The following TFPT variants were observed in gnomAD, a reference collection of about 807,000 sequenced individuals.
The protein encoded by TFPT is INO80 complex subunit F.
Under a neutral mutation model 28.8 loss-of-function variants are expected in TFPT, and 27 were observed. That is an observed-to-expected ratio of 0.94 (90% CI 0.69 to 1.29). TFPT has a LOEUF of 1.29. Among genes scored for constraint, TFPT ranks in the 50% most tolerant of loss-of-function variants. The pLI is 0.00. For synonymous variants in TFPT, 152 were observed against 142.8 expected (o/e 1.06, Z -0.46); for missense variants, 330 against 338.0 (o/e 0.98, Z 0.19).
Position 54,108,100 on chromosome 19 carries a change from G to A in TFPT, c.568C>T (p.Arg190Trp), listed in dbSNP as rs765229548. ...SPAPGEGPSG[R>W]KRRRVPRDGR... is the part of the protein sequence containing the mutation. The stretch of plus-strand genomic sequence containing the variant: ...TCCCGTGGCACTCGCCGCCTCTTCC[G>A]CCCACTGGGCCCCTCACCGGGGGCT... Residue 190 changes from arginine to tryptophan, a missense_variant, in exon 5 of 6, where the codon CGG (arginine) becomes TGG (tryptophan). Transcript: ENST00000391759. 35 of 1,569,588 alleles carry A rather than the reference G, an allele frequency of 2.2e-5. 1 individual carries two copies. The highest frequency in any genetic ancestry group is 7.1e-5 in the South Asian group (6 of 84,856).
intron 2 of TFPT, among the ~76,000 whole-genome samples, chr19:54,110,611 T>C (rs759158546): frequency 4.6e-5 from 7 of 151,796 alleles, no homozygotes; most frequent in Non-Finnish European, 8.8e-5. Context: ...GCCTGCAGGA[T>C]AGTCGCACGA....
Position 54,107,083 on chromosome 19 carries a change from G to A in TFPT, c.729C>T (p.Pro243=), listed in dbSNP as rs1474792835. 1 of 1,613,800 alleles carries A rather than the reference G, an allele frequency of 6.2e-7. No individual in the cohort carries two copies. The highest frequency in any genetic ancestry group is 1.3e-5 in the African/African-American group (1 of 74,852). Residue 243 remains proline, a synonymous_variant, in exon 6 of 6, where the codon CCC becomes CCT. Coordinates refer to ENST00000391759, the MANE Select transcript of TFPT (RefSeq NM_013342.4). ...WVSRGPDKLL[P]YPTLASPASD is the part of the protein sequence containing the mutation. ...AGGCTGGGCTGGCCAGGGTCGGGTA[G>A]GGCAGCAGTTTGTCTGGACCCCGAG...
At position 54,114,516 on chromosome 19, in the gene TFPT, G is replaced by T; in HGVS notation, c.208C>A (p.Arg70=). 1 of 1,613,914 alleles carries T rather than the reference G, an allele frequency of 6.2e-7. No homozygotes were observed. The highest frequency in any genetic ancestry group is 1.3e-5 in the African/African-American group (1 of 75,012). The part of the protein sequence containing the change: ...RDEEEEAARG[R]RRRQRELNRR... ...TTTAATTCCCGCTGGCGCCGCCGCCGACCCCGGGCTGCCTCTTCCTCTTCA... is the reference window on the plus strand; with the variant it reads ...TTTAATTCCCGCTGGCGCCGCCGCCTACCCCGGGCTGCCTCTTCCTCTTCA... Residue 70 remains arginine, a synonymous_variant, in exon 2 of 6, where the codon CGG becomes AGG. Coordinates refer to ENST00000391759, the MANE Select transcript of TFPT (RefSeq NM_013342.4).
At chr19:54,110,492 C>G (rs587611379) in intron 2 of TFPT, among the ~76,000 whole-genome samples, 1 of 152,096 alleles carries the variant, frequency 6.6e-6, no homozygotes, top group South Asian at 2.1e-4. Flanking sequence ...TTTGGGAGGC[C>G]GAGGCGAGTA....
At chr19:54,108,815 CT>C in intron 3 of TFPT, 1 of 516,474 alleles carries the variant, frequency 1.9e-6, no homozygotes, top group Non-Finnish European at 3.4e-6. Context: ...ACCCCCTTCT[CT>C]TTTTTCCCCA....
intron 1 of TFPT, 183 bp downstream of exon 1, chr19:54,115,064 T>G: frequency 1.1e-6 from 1 of 931,106 alleles, no homozygotes; most frequent in Non-Finnish European, 1.6e-6. Flanking sequence ...GATCCAGCAG[T>G]CCAAACCCCT....
chr19:54,110,335 A>G (rs749575797), intron 2 of TFPT, among the ~76,000 whole-genome samples: 2 of 151,772 alleles, frequency 1.3e-5, no homozygotes, highest in Non-Finnish European at 2.9e-5. Flanking sequence ...CTGTTCCTCT[A>G]CCTGGACCCT....
At position 54,108,171 on chromosome 19, in the gene TFPT, A is replaced by G. The variant is rs767698135; in HGVS notation, c.497T>C (p.Leu166Pro). 21 of 1,593,836 alleles carry G rather than the reference A, an allele frequency of 1.3e-5. No homozygotes were observed. In the African/African-American group the frequency reaches 2.4e-4, roughly 18 times the overall value. Reference sequence around the variant, plus strand: ...TGCAGGAGTCCTTCTGGGCGGGGACAGTGTCTCTTTCTCTGGAGGCTCATT... The same window carrying G: ...TGCAGGAGTCCTTCTGGGCGGGGACGGTGTCTCTTTCTCTGGAGGCTCATT... ...AENEPPEKET[L>P]SPPRRTPAPP... The change falls in exon 5 of 6, where the codon CTG becomes CCG. Residue 166 changes from leucine (L) to proline (P), a missense_variant. Transcript: ENST00000391759.
chr19:54,113,647 C>T (rs1196029000), intron 2 of TFPT, among the ~76,000 whole-genome samples: 3 of 152,138 alleles, frequency 2.0e-5, no homozygotes, highest in East Asian at 1.9e-4. Flanking sequence ...CCTGGTGTTC[C>T]TGGCCTGCCA....
chr19:54,114,245 C>G (rs1420119089), intron 2 of TFPT, among the ~76,000 whole-genome samples, 197 bp downstream of exon 2: 2 of 152,228 alleles, frequency 1.3e-5, no homozygotes, highest in African/African-American at 4.8e-5. Flanking sequence ...GTCAGGGAAG[C>G]TCCACGGGAG....
chr19:54,107,142 C>T lies in TFPT; in HGVS notation c.670G>A (p.Glu224Lys). Reference sequence around the variant, plus strand: ...CTGGAATCCAGGGCCTCATCTGCTTCAAAGCCAAAGTCTTCCTCAACCTTA... The same window carrying T: ...CTGGAATCCAGGGCCTCATCTGCTTTAAAGCCAAAGTCTTCCTCAACCTTA... ...QIKVEEDFGF[E>K]ADEALDSSWV... The change falls in exon 6 of 6, where the codon GAA becomes AAA. Residue 224 changes from glutamate (E) to lysine (K), a missense_variant. By Grantham distance (56) the Glu-to-Lys change is moderately conservative. Coordinates refer to ENST00000391759, the MANE Select transcript of TFPT (RefSeq NM_013342.4). 1 of 1,613,962 alleles carries T rather than the reference C, an allele frequency of 6.2e-7. No homozygotes were observed. The highest frequency in any genetic ancestry group is 8.5e-7 in the Non-Finnish European group (1 of 1,179,976).
chr19:54,109,926 C>G, intron 3 of TFPT, 125 bp downstream of exon 3: 1 of 999,156 alleles, frequency 1.0e-6, no homozygotes, highest in South Asian at 1.4e-5. Context: ...GCCCCCGGCC[C>G]TCATCTCCGG....
chr19:54,115,445 C>G lies in TFPT; in HGVS notation c.-176G>C. 2 of 767,434 alleles carry G rather than the reference C, an allele frequency of 2.6e-6. No individual in the cohort carries two copies. The highest frequency in any genetic ancestry group is 2.1e-6 in the Non-Finnish European group (1 of 471,244). The allele number at this position is 767,434 out of a possible 1,614,324, so 47.5% of individuals were successfully genotyped here. A position where few individuals can be genotyped will look rare whatever the true frequency, so the allele number is the denominator to read the frequency against. ...TTTCCGGCTTCGCTTCGGCCCACCC[C>G]CACGTCCACCCCGAATCCCTGCTTA... On this transcript the variant is annotated 5_prime_UTR_variant, in exon 1 of 6. Transcript: ENST00000391759.
At chr19:54,111,299 T>C (rs1252686702) in intron 2 of TFPT, among the ~76,000 whole-genome samples, 1 of 151,926 alleles carries the variant, frequency 6.6e-6, no homozygotes, top group Non-Finnish European at 1.5e-5. Context: ...TCCCAGCACT[T>C]TGGGAGGCCG....
chr19:54,110,133 G>A lies in TFPT; in HGVS notation c.283-12C>T. On this transcript the variant is annotated splice_polypyrimidine_tract_variant and intron_variant, in intron 2 of 5. Coordinates refer to ENST00000391759, the MANE Select transcript of TFPT (RefSeq NM_013342.4). ...ACCCGCTCGTTCACCTATGGGGTGG[G>A]AAACGCCCATCAGCTGGATCCCACG... 6.2e-7 allele frequency: 1 copy of A among 1,614,076 alleles called. No homozygotes were observed. The highest frequency in any genetic ancestry group is 8.5e-7 in the Non-Finnish European group (1 of 1,179,968).
rs2073599783 is a variant in TFPT, at chr19:54,115,456, C to T, written c.-187G>A. On this transcript the variant is annotated 5_prime_UTR_variant, in exon 1 of 6. Transcript: ENST00000391759. ...GCTTCGGCCCACCCCCACGTCCACC[C>T]CGAATCCCTGCTTAAAGGCCTTGCT... 1 of 707,198 alleles carries T rather than the reference C, an allele frequency of 1.4e-6. No homozygotes were observed. Among genetic ancestry groups the T allele is most frequent in the Admixed American group, 2.6e-5 (1 of 37,740 alleles). The allele number at this position is 707,198 out of a possible 1,614,324, so 43.8% of individuals were successfully genotyped here.
Position 54,108,014 on chromosome 19 carries a change from C to T in TFPT, c.642+12G>A, listed in dbSNP as rs370413360. On this transcript the variant is annotated intron_variant, in intron 5 of 5. Transcript: ENST00000391759. The stretch of plus-strand genomic sequence containing the variant: ...GCCCCAGTCCCTCCCCTTGAGTTCC[C>T]GCCTTCCTCACCTGCACCGGGGCCA... 2.6e-4 allele frequency: 401 copies of T among 1,515,908 alleles called. 4 individuals are homozygous for T. The South Asian group carries it at 4.1e-3, about 16-fold the overall frequency. 93.9% of individuals were successfully genotyped at this position (1,515,908 alleles called of 1,614,324 possible). A position where few individuals can be genotyped will look rare whatever the true frequency, so the allele number is the denominator to read the frequency against.
intron 1 of TFPT, 44 bp from the exon 2 acceptor site, chr19:54,114,744 C>T (rs761905685): frequency 1.3e-6 from 2 of 1,572,910 alleles, no homozygotes; most frequent in East Asian, 4.5e-5. Flanking sequence ...TCCTGGACCC[C>T]CAGCCCCTTC....
Position 54,114,539 on chromosome 19 carries a change from T to C in TFPT, c.185A>G (p.Glu62Gly). 6.2e-7 allele frequency: 1 copy of C among 1,614,040 alleles called. No homozygotes were observed. The highest frequency in any genetic ancestry group is 1.1e-5 in the South Asian group (1 of 91,080). Residue 62 changes from glutamate to glycine, a missense_variant, in exon 2 of 6, where the codon GAA becomes GGA. Transcript: ENST00000391759. The stretch of plus-strand genomic sequence containing the variant: ...CCGACCCCGGGCTGCCTCTTCCTCT[T>C]CATCTCGCTCCCGGAGCCCTGAGCC... ...LGGSGLRERD[E>G]EEEAARGRRR...
Sources: allele counts gnomAD v4.1 joint callset (sites outside exome capture counted in the v4.1 genomes callset), GRCh38; gene constraint gnomAD v4.1.1; transcripts MANE v1.5; gene names NCBI Gene and HGNC (gene_info 2026-07-23, HGNC 2026-07-21).